SH3PXD2A: variants seen among roughly 807,000 people sequenced by gnomAD.
SH3PXD2A encodes the protein SH3 and PX domain-containing protein 2A.
SH3PXD2A carries 32 observed loss-of-function variants against 115.2 expected under a neutral mutation model. The observed-to-expected ratio is 0.28, with a 90% CI of 0.21 to 0.37. The LOEUF (loss-of-function observed/expected upper bound fraction) is 0.37, where lower values mean the gene tolerates loss of function less well. Among genes scored for constraint, SH3PXD2A ranks in the 10% least tolerant of loss-of-function variants. SH3PXD2A has a pLI of 1.00. For missense variants in SH3PXD2A, 1,328 were observed against 1,498.7 expected, an observed-to-expected ratio of 0.89 and a Z score of 1.88; for synonymous variants, 610 against 629.1, an observed-to-expected ratio of 0.97 and a Z score of 0.45.
chr10:103,603,766 G>C lies in SH3PXD2A; in HGVS notation c.1452C>G (p.Gly484=), dbSNP rs761261592. 9 of 1,609,672 alleles carry C rather than the reference G, an allele frequency of 5.6e-6. No individual in the cohort carries two copies. In the South Asian group the frequency reaches 9.9e-5, roughly 18 times the overall value. Residue 484 remains glycine, a synonymous_variant, in exon 15 of 15, where the codon GGC becomes GGG. Coordinates refer to ENST00000369774, the MANE Select transcript of SH3PXD2A (RefSeq NM_001394015.1). The part of the protein sequence containing the change: ...KAEVIDKNSG[G]WWYVQIGEKE... ...TCTCACCGATCTGCACGTACCACCA[G>C]CCACCTGAGTTCTTATCAATGACCT...
intron 1 of SH3PXD2A, among the ~76,000 whole-genome samples, chr10:103,826,001 G>T (rs2039427272): frequency 6.6e-6 from 1 of 152,220 alleles, no homozygotes; most frequent in South Asian, 2.1e-4. Flanking sequence ...CTGACCTCGT[G>T]ATCGGCCCAC....
intron 5 of SH3PXD2A, among the ~76,000 whole-genome samples, chr10:103,714,902 C>T (rs1179715091): frequency 1.3e-5 from 2 of 152,202 alleles, no homozygotes; most frequent in African/African-American, 4.8e-5. Flanking sequence ...GGACTTTCTA[C>T]CCCAATCCCC....
chr10:103,619,263 C>T (rs953549456), intron 10 of SH3PXD2A, among the ~76,000 whole-genome samples: 6 of 152,180 alleles, frequency 3.9e-5, no homozygotes, highest in Admixed American at 3.3e-4. Context: ...GTCCAACTCT[C>T]TCTGCTCTCC....
rs2133896318 is a variant in SH3PXD2A, at chr10:103,597,219, G to A, written c.*4597C>T. On this transcript the variant is annotated 3_prime_UTR_variant, in exon 15 of 15. Coordinates refer to ENST00000369774, the MANE Select transcript of SH3PXD2A (RefSeq NM_001394015.1). ...CAGCCCCAGGCCCTGCTGCAGGCTT[G>A]TGGGAATTGGTGTCTCACCAGGGTG... 6.5e-6 allele frequency: 1 copy of A among 152,796 alleles called. No individual in the cohort carries two copies. The highest frequency in any genetic ancestry group is 2.4e-5 in the African/African-American group (1 of 41,576). The allele number at this position is 152,796 out of a possible 1,614,324, so 9.5% of individuals were successfully genotyped here.
At chr10:103,631,613 C>G (rs2036781047) in intron 8 of SH3PXD2A, among the ~76,000 whole-genome samples, 1 of 152,196 alleles carries the variant, frequency 6.6e-6, no homozygotes, top group African/African-American at 2.4e-5. Flanking sequence ...GAACAAAAGT[C>G]AACCAGGCAC....
intron 5 of SH3PXD2A, among the ~76,000 whole-genome samples, chr10:103,703,924 C>A (rs1340375735): frequency 1.3e-5 from 2 of 152,108 alleles, no homozygotes; most frequent in Non-Finnish European, 2.9e-5. Context: ...CCAGCTCTGC[C>A]AGACAGATTA....
intron 1 of SH3PXD2A, among the ~76,000 whole-genome samples, chr10:103,811,171 G>C (rs1284309795): frequency 6.6e-6 from 1 of 152,160 alleles, no homozygotes; most frequent in Non-Finnish European, 1.5e-5. Context: ...TCCTGGAGGG[G>C]AAATGAGTGT....
intron 2 of SH3PXD2A, among the ~76,000 whole-genome samples, chr10:103,768,056 T>C (rs994449393): frequency 1.3e-5 from 2 of 152,190 alleles, no homozygotes; most frequent in African/African-American, 4.8e-5. Context: ...GAAGGATCAG[T>C]CACATGATCT....
chr10:103,816,143 T>G (rs929614892), intron 1 of SH3PXD2A, among the ~76,000 whole-genome samples: 1 of 152,152 alleles, frequency 6.6e-6, no homozygotes, highest in South Asian at 2.1e-4. Context: ...GAGTAGATTT[T>G]AGTGCTCACA....
chr10:103,687,435 T>C (rs1329456709), intron 6 of SH3PXD2A, among the ~76,000 whole-genome samples: 1 of 152,200 alleles, frequency 6.6e-6, no homozygotes. Context: ...GACTGGCAAG[T>C]TGTCGGCCTA....
intron 8 of SH3PXD2A, among the ~76,000 whole-genome samples, chr10:103,649,931 C>T (rs1422849430): frequency 6.6e-6 from 1 of 152,228 alleles, no homozygotes; most frequent in Non-Finnish European, 1.5e-5. Flanking sequence ...AGGGCAGCCC[C>T]ACCTTCCCTG....
rs760600010 is a variant in SH3PXD2A at position 103,736,794 on chromosome 10, G to C, written c.230-986C>G. ...TGAAGTGCTCACCTGTAGCTGTAAC[G>C]GGCATCTGTTGCCTCAGTCTACCTA... On this transcript the variant is annotated intron_variant, in intron 3 of 14. Transcript: ENST00000369774. 3.1e-6 allele frequency: 4 copies of C among 1,288,918 alleles called. No homozygotes were observed. In the South Asian group the frequency reaches 4.9e-5, roughly 16 times the overall value. 79.8% of individuals were successfully genotyped at this position (1,288,918 alleles called of 1,614,324 possible). A position where few individuals can be genotyped will look rare whatever the true frequency, so the allele number is the denominator to read the frequency against.
intron 8 of SH3PXD2A, among the ~76,000 whole-genome samples, chr10:103,654,680 G>A (rs2037182300): frequency 6.6e-6 from 1 of 152,092 alleles, no homozygotes; most frequent in African/African-American, 2.4e-5. Context: ...ACCTCCCAAA[G>A]TTTTGGGATT....
intron 1 of SH3PXD2A, among the ~76,000 whole-genome samples, chr10:103,850,056 T>C (rs916842133): frequency 4.6e-5 from 7 of 152,228 alleles, no homozygotes; most frequent in African/African-American, 1.4e-4. Flanking sequence ...AGGGAACTGC[T>C]GTGCAAACCC....
At chr10:103,729,913 G>A (rs1357623362) in intron 4 of SH3PXD2A, among the ~76,000 whole-genome samples, 2 of 152,204 alleles carry the variant, frequency 1.3e-5, no homozygotes, top group African/African-American at 4.8e-5. Context: ...TTAGCACTGA[G>A]TGTCATCATG....
intron 1 of SH3PXD2A, among the ~76,000 whole-genome samples, chr10:103,843,640 G>A (rs932601455): frequency 7.9e-5 from 12 of 152,180 alleles, no homozygotes; most frequent in Non-Finnish European, 1.6e-4. Context: ...TTCAGGGAGG[G>A]GCTCAGAGGG....
intron 6 of SH3PXD2A, among the ~76,000 whole-genome samples, chr10:103,677,089 T>G (rs1017444989): frequency 6.6e-6 from 1 of 152,068 alleles, no homozygotes; most frequent in Non-Finnish European, 1.5e-5. Context: ...CGCGAGTGAG[T>G]GATGGAGTCA....
chr10:103,625,042 C>T (rs966302594), intron 9 of SH3PXD2A, among the ~76,000 whole-genome samples: 3 of 152,208 alleles, frequency 2.0e-5, no homozygotes, highest in African/African-American at 7.2e-5. Context: ...CCACCCCCCA[C>T]ACACATACAC....
chr10:103,804,690 G>C (rs1158903036), intron 1 of SH3PXD2A, among the ~76,000 whole-genome samples: 3 of 152,090 alleles, frequency 2.0e-5, no homozygotes, highest in Non-Finnish European at 4.4e-5. Flanking sequence ...TGCTGAGGGA[G>C]TGCACCTTAG....
Sources: allele counts gnomAD v4.1 joint callset (sites outside exome capture counted in the v4.1 genomes callset), GRCh38; gene constraint gnomAD v4.1.1; transcripts MANE v1.5; gene names NCBI Gene and HGNC (gene_info 2026-07-23, HGNC 2026-07-21).